Variants in LRP2 observed in about 807,000 individuals in gnomAD.
LRP2 encodes LDL receptor related protein 2, also known as low-density lipoprotein receptor-related protein 2.
Under a neutral mutation model 531.0 loss-of-function variants are expected in LRP2, and 172 were observed. The observed-to-expected ratio is 0.32, with a 90% CI of 0.29 to 0.37. The LOEUF (loss-of-function observed/expected upper bound fraction) is 0.37. LRP2 is among the 10% of genes least tolerant of loss of function. The pLI is 1.00. For synonymous variants in LRP2, 1,992 were observed against 2,027.6 expected, an observed-to-expected ratio of 0.98 and a Z score of 0.47; for missense variants, 5,167 against 5,868.3, an observed-to-expected ratio of 0.88 and a Z score of 3.90.
At chr2:169,346,833 C>A (rs1178126404) in intron 1 of LRP2, among the ~76,000 whole-genome samples, 1 of 152,200 alleles carries the variant, frequency 6.6e-6, no homozygotes, top group Non-Finnish European at 1.5e-5. Flanking sequence ...AGTCTTGCAA[C>A]TGTGTTGCTT....
chr2:169,326,223 G>A (rs1574259281), intron 1 of LRP2, among the ~76,000 whole-genome samples: 1 of 82,096 alleles, frequency 1.2e-5, no homozygotes, highest in Non-Finnish European at 2.2e-5. Flanking sequence ...CTCCCTCTCG[G>A]TCTCCCTCTC....
chr2:169,246,666 A>T, intron 21 of LRP2, 39 bp downstream of exon 21: 1 of 1,610,842 alleles, frequency 6.2e-7, no homozygotes, highest in South Asian at 1.1e-5. Flanking sequence ...CCTCTACTCT[A>T]TTCATCCCAG....
intron 74 of LRP2, among the ~76,000 whole-genome samples, chr2:169,138,930 A>G (rs559577885): frequency 2.0e-5 from 3 of 152,350 alleles, no homozygotes; most frequent in South Asian, 4.1e-4. Context: ...ATCTAAAAGA[A>G]AAAGAGTCCA....
intron 1 of LRP2, among the ~76,000 whole-genome samples, chr2:169,355,526 T>C (rs1210730079): frequency 6.6e-6 from 1 of 152,200 alleles, no homozygotes; most frequent in Non-Finnish European, 1.5e-5. Context: ...GAACACATCA[T>C]GACCCGGGAT....
At chr2:169,177,616 C>A (rs1433766267) in intron 53 of LRP2, among the ~76,000 whole-genome samples, 187 bp downstream of exon 53, 3 of 152,118 alleles carry the variant, frequency 2.0e-5, no homozygotes, top group African/African-American at 7.2e-5. Context: ...TCTAGGTAGT[C>A]TTTCCCAGGG....
intron 61 of LRP2, among the ~76,000 whole-genome samples, chr2:169,167,943 G>A (rs975140547): frequency 6.8e-6 from 1 of 147,240 alleles, no homozygotes; most frequent in African/African-American, 2.5e-5. Context: ...GCCAGGGCAT[G>A]TGATTTTGAA....
intron 13 of LRP2, among the ~76,000 whole-genome samples, chr2:169,277,191 C>T (rs1352440018): frequency 1.8e-5 from 1 of 56,812 alleles, no homozygotes; most frequent in African/African-American, 5.7e-5. Flanking sequence ...GAGACTCCAT[C>T]TCAAAAAAAA....
intron 3 of LRP2, among the ~76,000 whole-genome samples, chr2:169,308,213 T>A (rs541811832): frequency 1.3e-5 from 2 of 152,096 alleles, no homozygotes; most frequent in Admixed American, 1.3e-4. Context: ...TTCTTTTTTT[T>A]ATAATTCCTT....
At chr2:169,338,844 G>A (rs1305946611) in intron 1 of LRP2, among the ~76,000 whole-genome samples, 1 of 152,166 alleles carries the variant, frequency 6.6e-6, no homozygotes, top group Non-Finnish European at 1.5e-5. Context: ...AGTCCTTCTA[G>A]TCATATACTA....
chr2:169,168,952 A>G (rs1041538267), intron 60 of LRP2, among the ~76,000 whole-genome samples: 1 of 152,242 alleles, frequency 6.6e-6, no homozygotes, highest in African/African-American at 2.4e-5. Flanking sequence ...TTTTACCCAC[A>G]TACATTTATA....
intron 3 of LRP2, among the ~76,000 whole-genome samples, chr2:169,307,904 A>C (rs1684469806): frequency 6.6e-6 from 1 of 152,210 alleles, no homozygotes; most frequent in South Asian, 2.1e-4. Context: ...AAAAAAATTT[A>C]AGCTAGCTTG....
At chr2:169,312,676 G>A (rs555774865) in intron 3 of LRP2, among the ~76,000 whole-genome samples, 3 of 152,040 alleles carry the variant, frequency 2.0e-5, no homozygotes, top group African/African-American at 4.8e-5. Flanking sequence ...TGACAATTAC[G>A]TGTCTTGGAG....
At chr2:169,360,307 TAA>T (rs1370703333) in intron 1 of LRP2, among the ~76,000 whole-genome samples, 1 of 152,164 alleles carries the variant, frequency 6.6e-6, no homozygotes, top group African/African-American at 2.4e-5. Context: ...ACAGTGATAA[TAA>T]GAGTACTTAC....
At chr2:169,219,881 T>C (rs945773187) in intron 34 of LRP2, among the ~76,000 whole-genome samples, 2 of 152,182 alleles carry the variant, frequency 1.3e-5, no homozygotes, top group Non-Finnish European at 2.9e-5. Flanking sequence ...CTTCTTAGCA[T>C]GATATTAAAG....
intron 14 of LRP2, 57 bp downstream of exon 14, chr2:169,274,979 G>A: frequency 6.4e-7 from 1 of 1,551,840 alleles, no homozygotes. Context: ...AAAGCTTTGA[G>A]AAAACCTTTC....
rs370823033 is a variant in LRP2 at position 169,294,717 on chromosome 2, TAAA to T, written c.428-10_428-8del. The T allele has an allele frequency of 0.16, 114,969 of 724,722 alleles. 410 individuals carry two copies. Among genetic ancestry groups the T allele is most frequent in the East Asian group, 0.19 (6,402 of 33,618 alleles). 44.9% of individuals were successfully genotyped at this position (724,722 alleles called of 1,614,324 possible). On this transcript the variant is annotated splice_polypyrimidine_tract_variant and splice_region_variant and intron_variant, in intron 4 of 78. Coordinates refer to ENST00000649046, the MANE Select transcript of LRP2 (RefSeq NM_004525.3). Reference sequence around the variant, plus strand: ...TGCTCACATGTTGGGTACTCTATTGTAAAAAAAAAAAAAAAAAAAAAAAGGAAA... The same window carrying T: ...TGCTCACATGTTGGGTACTCTATTGTAAAAAAAAAAAAAAAAAAAAGGAAA...
chr2:169,272,889 G>A (rs756204318), intron 15 of LRP2, 38 bp downstream of exon 15: 1 of 1,613,172 alleles, frequency 6.2e-7, no homozygotes, highest in Admixed American at 1.7e-5. Context: ...ACATACACCT[G>A]TGTCACCTGC....
intron 77 of LRP2, among the ~76,000 whole-genome samples, chr2:169,130,327 G>T (rs926896460): frequency 6.9e-6 from 1 of 145,698 alleles, no homozygotes; most frequent in African/African-American, 2.6e-5. Flanking sequence ...TCACTCTGTC[G>T]CCTAGGCTGG....
At chr2:169,135,564 C>T (rs150089078) in intron 76 of LRP2, among the ~76,000 whole-genome samples, 2 of 152,228 alleles carry the variant, frequency 1.3e-5, no homozygotes, top group African/African-American at 4.8e-5. Flanking sequence ...ACCTTCATAC[C>T]CCTTACGGTC....
Sources: gnomAD v4.1 joint callset for allele counts (sites outside exome capture counted in the v4.1 genomes callset) on GRCh38, gnomAD v4.1.1 for gene constraint, MANE v1.5 for transcripts, NCBI Gene and HGNC (gene_info 2026-07-23, HGNC 2026-07-21) for gene names.